Variants in MKLN1 observed in about 807,000 individuals in gnomAD.
MKLN1 encodes the protein muskelin 1, also known as muskelin.
Under a neutral mutation model 99.0 loss-of-function variants are expected in MKLN1, and 18 were observed. The ratio of observed to expected loss-of-function variants is 0.18; its 90% CI spans 0.13 to 0.27. MKLN1 has a LOEUF of 0.27. MKLN1 is among the 10% of genes least tolerant of loss of function. MKLN1 has a pLI of 1.00. For synonymous variants in MKLN1, 288 were observed against 293.2 expected (o/e 0.98, Z 0.18); for missense variants, 621 against 875.9 (o/e 0.71, Z 3.67).
intron 3 of MKLN1, among the ~76,000 whole-genome samples, chr7:131,275,567 A>ATAT (rs1336398554): frequency 7.1e-4 from 4 of 5,618 alleles, no homozygotes; most frequent in Non-Finnish European, 1.6e-3. Flanking sequence ...ATATATATAT[A>ATAT]TTTTTTTTTT....
chr7:131,242,851 T>C, intron 3 of MKLN1: 1 of 664,036 alleles, frequency 1.5e-6, no homozygotes. Flanking sequence ...AGGTACTCTG[T>C]GGATATCCCC....
chr7:131,431,365 A>G (rs1795516796), intron 9 of MKLN1, among the ~76,000 whole-genome samples: 1 of 152,236 alleles, frequency 6.6e-6, no homozygotes, highest in Admixed American at 6.5e-5. Context: ...CAAGCACTCA[A>G]AAAACTTCAG....
intron 1 of MKLN1, among the ~76,000 whole-genome samples, chr7:131,359,240 T>A (rs986834966): frequency 6.6e-6 from 1 of 152,204 alleles, no homozygotes; most frequent in African/African-American, 2.4e-5. Flanking sequence ...AGAATATTTT[T>A]AAATTTATCT....
At chr7:131,362,166 C>T (rs560342539) in intron 1 of MKLN1, among the ~76,000 whole-genome samples, 4 of 151,944 alleles carry the variant, frequency 2.6e-5, no homozygotes, top group Non-Finnish European at 4.4e-5. Flanking sequence ...AATACAGTCA[C>T]GTGTTGCTTA....
At chr7:131,263,344 T>TA (rs762797780) in intron 3 of MKLN1, among the ~76,000 whole-genome samples, 1,326 of 106,420 alleles carry the variant, frequency 0.012, 8 homozygotes, top group African/African-American at 0.022. Context: ...TCTCTACAAT[T>TA]ATTAATAATA....
chr7:131,487,866 G>A lies in MKLN1; in HGVS notation c.*138G>A. ...TCTGAAGGGATCTTAACCATCACAA[G>A]TTTTTACCCTCTTCCTTCATGCCTG... is the stretch of plus-strand genomic sequence containing the variant. On this transcript the variant is annotated 3_prime_UTR_variant, in exon 18 of 18. Transcript: ENST00000352689. The surrounding 1 kb of genome is among the most constrained non-coding windows in gnomAD (Gnocchi z 4.7). The A allele has an allele frequency of 1.0e-6, 1 of 968,726 alleles. No homozygotes were observed. Among genetic ancestry groups the A allele is most frequent in the Non-Finnish European group, 1.5e-6 (1 of 685,664 alleles). The allele number at this position is 968,726 out of a possible 1,614,324, so 60.0% of individuals were successfully genotyped here.
chr7:131,191,226 A>G (rs1248707241), intron 2 of MKLN1, among the ~76,000 whole-genome samples: 1 of 152,262 alleles, frequency 6.6e-6, no homozygotes, highest in Non-Finnish European at 1.5e-5. Context: ...GCTCCACGCA[A>G]GTCTGGATAA....
intron 6 of MKLN1, among the ~76,000 whole-genome samples, chr7:131,410,955 T>C (rs1270448967): frequency 6.6e-6 from 1 of 152,196 alleles, no homozygotes; most frequent in African/African-American, 2.4e-5. Flanking sequence ...CACTCCCTTT[T>C]CCTTCTTTCA....
chr7:131,251,121 G>GTA lies in MKLN1; in HGVS notation c.-179+48148_-179+48149insAT, dbSNP rs1554542508. Among the ~76,000 whole-genome samples the GTA allele has an allele frequency of 2.6e-3, 381 of 148,074 alleles. 6 individuals are homozygous for GTA. Among genetic ancestry groups the GTA allele is most frequent in the African/African-American group, 8.9e-3 (357 of 40,306 alleles). On this transcript the variant is annotated intron_variant, in intron 3 of 7. Transcript: ENST00000416992. ...TGTGTGTGTGTGTGTGTGTGTGTGT[G>GTA]TGTGTACCATTTTGACCATCTTAAA...
rs116825155 is a variant in MKLN1, at chr7:131,354,756, G to T, written c.99-20668G>T. 1.9e-3 allele frequency among the ~76,000 whole-genome samples: 293 copies of T among 152,054 alleles called. 2 individuals carry two copies. The highest frequency in any genetic ancestry group is 6.9e-3 in the African/African-American group (285 of 41,484). On this transcript the variant is annotated intron_variant, in intron 1 of 17. Transcript: ENST00000352689. Reference sequence around the variant, plus strand: ...TATATTTAGTTTTCTGATTCATTTGGAATTTAACCTGGTGGATGATGTGAG... The same window carrying T: ...TATATTTAGTTTTCTGATTCATTTGTAATTTAACCTGGTGGATGATGTGAG...
chr7:131,226,044 T>A (rs1485225298), intron 3 of MKLN1, among the ~76,000 whole-genome samples: 1 of 55,690 alleles, frequency 1.8e-5, no homozygotes, highest in Non-Finnish European at 3.5e-5. Flanking sequence ...CCTCCCTCCC[T>A]ACTTTCTCCC....
rs571871790 is a variant in MKLN1, at chr7:131,125,983, G to T, written c.-419+15776G>T. Among the ~76,000 whole-genome samples the T allele has an allele frequency of 1.3e-3, 192 of 148,816 alleles. 1 individual carries two copies. The highest frequency in any genetic ancestry group is 4.5e-3 in the African/African-American group (182 of 40,498). ...ATCACGCCACTGCACTCCAGCCTGG[G>T]CGACAGAGCGAGACTCCGTCTCAAA... is the stretch of plus-strand genomic sequence containing the variant. On this transcript the variant is annotated intron_variant, in intron 1 of 7. Coordinates refer to the MKLN1 transcript ENST00000416992.
chr7:131,308,679 A>G (rs551578597), intron 3 of MKLN1, among the ~76,000 whole-genome samples: 170 of 151,592 alleles, frequency 1.1e-3, no homozygotes, highest in African/African-American at 3.9e-3. Flanking sequence ...TCCATCTCCC[A>G]GGTTCAAGTG....
At chr7:131,383,498 A>G (rs1793913043) in intron 2 of MKLN1, among the ~76,000 whole-genome samples, 1 of 152,212 alleles carries the variant, frequency 6.6e-6, no homozygotes, top group Non-Finnish European at 1.5e-5. Flanking sequence ...TCCAGCAGCT[A>G]CCAATGGAAA....
chr7:131,324,710 C>T (rs1798849765), upstream of MKLN1, among the ~76,000 whole-genome samples: 1 of 152,152 alleles, frequency 6.6e-6, no homozygotes, highest in Non-Finnish European at 1.5e-5. Flanking sequence ...TAATGTTTAG[C>T]TTCTGTGGCA....
intron 3 of MKLN1, among the ~76,000 whole-genome samples, chr7:131,214,908 T>C (rs977444518): frequency 6.6e-6 from 1 of 152,256 alleles, no homozygotes. Context: ...ATATTTTATA[T>C]ACAAAAGTAC....
chr7:131,333,466 G>A (rs1799154768), intron 1 of MKLN1, among the ~76,000 whole-genome samples: 1 of 151,896 alleles, frequency 6.6e-6, no homozygotes, highest in Non-Finnish European at 1.5e-5. Flanking sequence ...AGGCTTTGTG[G>A]TTTTATTTTA....
At chr7:131,372,820 C>A (rs1453692786) in intron 1 of MKLN1, among the ~76,000 whole-genome samples, 2 of 150,912 alleles carry the variant, frequency 1.3e-5, no homozygotes, top group Non-Finnish European at 3.0e-5. Context: ...AGACTGACTG[C>A]CTTGGGTTCA....
chr7:131,236,147 T>C (rs566040857), intron 3 of MKLN1, among the ~76,000 whole-genome samples: 1 of 152,312 alleles, frequency 6.6e-6, no homozygotes, highest in East Asian at 1.9e-4. Context: ...ATGTAAGCAG[T>C]AAGATGTCTG....
Sources: gnomAD v4.1 joint callset for allele counts (sites outside exome capture counted in the v4.1 genomes callset) on GRCh38, gnomAD v4.1.1 for gene constraint, Gnocchi (gnomAD v3.1) non-coding constraint, MANE v1.5 for transcripts, NCBI Gene and HGNC (gene_info 2026-07-23, HGNC 2026-07-21) for gene names.